NPEPL1: variants seen among roughly 807,000 people sequenced by gnomAD.
NPEPL1 encodes the protein probable aminopeptidase NPEPL1.
A neutral mutation model predicts 52.4 loss-of-function variants in NPEPL1; 45 were observed. That is an observed-to-expected ratio of 0.86 (90% CI 0.68 to 1.10). The LOEUF is 1.10. Ranked by LOEUF, NPEPL1 falls within the 50% of genes least tolerant of loss-of-function variation. The pLI is 0.00. For missense variants in NPEPL1, 696 were observed against 710.9 expected (o/e 0.98, Z 0.24); for synonymous variants, 360 against 314.7 (o/e 1.14, Z -1.52).
chr20:58,694,998 G>GA (rs1487261703), intron 3 of NPEPL1, among the ~76,000 whole-genome samples: 7 of 147,496 alleles, frequency 4.7e-5, no homozygotes, highest in Non-Finnish European at 9.0e-5. Context: ...TGGGGGGTGT[G>GA]TGTGTGCATG....
At chr20:58,691,708 T>TGA, upstream of NPEPL1, 1 of 739,654 alleles carries the variant, frequency 1.4e-6, no homozygotes, top group Non-Finnish European at 2.1e-6. Context: ...TTTTTTTTTT[T>TGA]TTTTTTCATT....
At position 58,713,626 on chromosome 20, in the gene NPEPL1, G is replaced by T; in HGVS notation, c.1125+83G>T. On this transcript the variant is annotated intron_variant, in intron 9 of 11. Transcript: ENST00000356091. The surrounding 1 kb of genome is among the most constrained non-coding windows in gnomAD (Gnocchi z 4.6). ...TTGACCTCAAGGTGGGGAAGGCAGC[G>T]CGTGGGGGCTGCCGTCAGGAAGTTT... 6.9e-7 allele frequency: 1 copy of T among 1,446,128 alleles called. No individual in the cohort carries two copies. The allele number at this position is 1,446,128 out of a possible 1,614,324, so 89.6% of individuals were successfully genotyped here.
chr20:58,696,203 C>A (rs2084487568), intron 3 of NPEPL1, among the ~76,000 whole-genome samples: 1 of 152,224 alleles, frequency 6.6e-6, no homozygotes, highest in African/African-American at 2.4e-5. Context: ...CTGTGGACTT[C>A]CTGCTGTCCC....
chr20:58,691,431 G>GA (rs538087084), upstream of NPEPL1: 2,473 of 437,320 alleles, frequency 5.7e-3, 29 homozygotes, highest in South Asian at 0.022. Flanking sequence ...GGAACTGGAG[G>GA]AAAAAAAAAC....
At chr20:58,715,137 C>A in intron 11 of NPEPL1, 31 bp from the exon 12 acceptor site, 1 of 1,581,452 alleles carries the variant, frequency 6.3e-7, no homozygotes, top group East Asian at 2.3e-5. Flanking sequence ...AGCCCCACGC[C>A]CAGAGTCTGT....
rs563493033 is a variant in NPEPL1, at chr20:58,699,096, G to A, written c.598-101G>A. ...CTCCCAAGCCCGGCTCCCCGACGCG[G>A]CACAGGCAGCGGTTCATCCCTGGCC... On this transcript the variant is annotated intron_variant, in intron 4 of 11. Transcript: ENST00000356091. The A allele has an allele frequency of 1.9e-4, 225 of 1,158,300 alleles. No individual in the cohort carries two copies. The African/African-American group carries it at 2.8e-3, about 14-fold the overall frequency. 71.8% of individuals were successfully genotyped at this position (1,158,300 alleles called of 1,614,324 possible).
chr20:58,697,073 G>A (rs1313134655), intron 3 of NPEPL1, among the ~76,000 whole-genome samples: 2 of 152,234 alleles, frequency 1.3e-5, no homozygotes, highest in Non-Finnish European at 2.9e-5. Context: ...TCTGTAGCAG[G>A]GACTGGGACT....
At chr20:58,694,673 G>A (rs2084425560) in intron 3 of NPEPL1, 81 bp downstream of exon 3, 1 of 1,401,538 alleles carries the variant, frequency 7.1e-7, no homozygotes, top group Non-Finnish European at 9.5e-7. Context: ...AGAGGGAAAA[G>A]CTTGTTGCGG....
rs761549433 is a variant in NPEPL1, at chr20:58,703,903, G to A, written c.822+2745G>A. ...GCGACTATAGCCCCTGCCTATTCCC[G>A]GGGTCCACCTGGTCTGCAGACCCCA... On this transcript the variant is annotated intron_variant, in intron 6 of 11. Coordinates refer to ENST00000356091, the MANE Select transcript of NPEPL1 (RefSeq NM_024663.4). 1.0e-4 allele frequency: 102 copies of A among 985,280 alleles called. 1 individual carries two copies. In the East Asian group the frequency reaches 3.8e-3, roughly 36 times the overall value. The allele number at this position is 985,280 out of a possible 1,614,324, so 61.0% of individuals were successfully genotyped here. A position where few individuals can be genotyped will look rare whatever the true frequency, so the allele number is the denominator to read the frequency against.
chr20:58,693,161 C>A, intron 1 of NPEPL1, 111 bp downstream of exon 1: 1 of 769,608 alleles, frequency 1.3e-6, no homozygotes, highest in Non-Finnish European at 1.6e-6. Context: ...GGGCCGGGCC[C>A]AACGAGGCCG....
upstream of NPEPL1, chr20:58,691,396 T>TC (rs2084340924): frequency 2.1e-6 from 1 of 481,336 alleles, no homozygotes; most frequent in Non-Finnish European, 3.6e-6. Context: ...TTTTTTTTTT[T>TC]TTTTTGAGTG....
intron 7 of NPEPL1, among the ~76,000 whole-genome samples, chr20:58,712,041 G>C (rs961408826): frequency 6.6e-6 from 1 of 152,206 alleles, no homozygotes. Flanking sequence ...ATGACTTTTG[G>C]CATCAGAAAG....
chr20:58,697,860 T>A (rs2084524183), intron 3 of NPEPL1, among the ~76,000 whole-genome samples: 1 of 152,196 alleles, frequency 6.6e-6, no homozygotes, highest in Non-Finnish European at 1.5e-5. Flanking sequence ...GGGACCCACG[T>A]GATGTGTGCT....
Position 58,715,177 on chromosome 20 carries a change from G to A in NPEPL1, c.1423G>A (p.Ala475Thr), listed in dbSNP as rs557860572. The change falls in exon 12 of 12, where the codon GCC becomes ACC. Residue 475 changes from alanine to threonine, a missense_variant. Ala to Thr is a moderately conservative substitution (Grantham distance 58). Coordinates refer to ENST00000356091, the MANE Select transcript of NPEPL1 (RefSeq NM_024663.4). ...TGCCCTTTGCTTGCAGGGTGAGCGA[G>A]CCACAGGCTTCGGTGTGGCCCTCCT... ...IAAPVHAGER[A>T]TGFGVALLLA... The A allele has an allele frequency of 6.2e-7, 1 of 1,605,066 alleles. No individual in the cohort carries two copies. The highest frequency in any genetic ancestry group is 1.1e-5 in the South Asian group (1 of 89,762).
chr20:58,692,883 G>T lies in NPEPL1; in HGVS notation c.-18G>T. The T allele has an allele frequency of 2.9e-6, 3 of 1,033,240 alleles. No homozygotes were observed. Among genetic ancestry groups the T allele is most frequent in the Non-Finnish European group, 3.5e-6 (3 of 858,874 alleles). The allele number at this position is 1,033,240 out of a possible 1,614,324, so 64.0% of individuals were successfully genotyped here. A position where few individuals can be genotyped will look rare whatever the true frequency, so the allele number is the denominator to read the frequency against. Reference sequence around the variant, plus strand: ...CCGGGCCGGGCCGGGCAGGGCCGGGGCGTGGGCCGGCAGGAAGATGGCGAA... The same window carrying T: ...CCGGGCCGGGCCGGGCAGGGCCGGGTCGTGGGCCGGCAGGAAGATGGCGAA... On this transcript the variant is annotated 5_prime_UTR_variant, in exon 1 of 12. Coordinates refer to ENST00000356091, the MANE Select transcript of NPEPL1 (RefSeq NM_024663.4). The surrounding 1 kb of genome is among the most constrained non-coding windows in gnomAD (Gnocchi z 5.7).
At chr20:58,695,183 GTT>G (rs1313819409) in intron 3 of NPEPL1, among the ~76,000 whole-genome samples, 3 of 98,148 alleles carry the variant, frequency 3.1e-5, no homozygotes, top group African/African-American at 1.2e-4. Context: ...TGTGGTGTGT[GTT>G]GTTGTGTGTG....
At position 58,699,285 on chromosome 20, in the gene NPEPL1, G is replaced by A; in HGVS notation, c.679+7G>A. On this transcript the variant is annotated splice_region_variant and intron_variant, in intron 5 of 11. Transcript: ENST00000356091. Reference sequence around the variant, plus strand: ...AAGACGAGAGGATTTGGAGGTGGGTGGGGGCTGCATCCCTGCAGCTCTTGG... The same window carrying A: ...AAGACGAGAGGATTTGGAGGTGGGTAGGGGCTGCATCCCTGCAGCTCTTGG... 1 of 1,600,794 alleles carries A rather than the reference G, an allele frequency of 6.2e-7. No homozygotes were observed.
Position 58,713,822 on chromosome 20 carries a change from C to A in NPEPL1, c.1126-95C>A. ...TCTCAACCGTCTCTTTTCTGGCTCC[C>A]TTATTTCTCTGTCTGCCTCCCGGTC... On this transcript the variant is annotated intron_variant, in intron 9 of 11. Transcript: ENST00000356091. The surrounding 1 kb of genome is among the most constrained non-coding windows in gnomAD (Gnocchi z 4.6). 3 of 1,318,760 alleles carry A rather than the reference C, an allele frequency of 2.3e-6. No homozygotes were observed. The highest frequency in any genetic ancestry group is 3.0e-6 in the Non-Finnish European group (3 of 1,006,776). The allele number at this position is 1,318,760 out of a possible 1,614,324, so 81.7% of individuals were successfully genotyped here.
chr20:58,709,606 C>T (rs773214482), intron 7 of NPEPL1, among the ~76,000 whole-genome samples: 9 of 152,194 alleles, frequency 5.9e-5, no homozygotes, highest in African/African-American at 2.2e-4. Context: ...AGTGGTGACA[C>T]TCACAACCCA....
Sources: allele counts gnomAD v4.1 joint callset (sites outside exome capture counted in the v4.1 genomes callset), GRCh38; gene constraint gnomAD v4.1.1; non-coding constraint Gnocchi (gnomAD v3.1); transcripts MANE v1.5; gene names NCBI Gene and HGNC (gene_info 2026-07-23, HGNC 2026-07-21).